Variants in PDE6G observed in about 807,000 individuals in gnomAD.
The protein encoded by PDE6G is rod cGMP 3',5'-cyclic phosphodiesterase subunit gamma.
PDE6G carries 10 observed loss-of-function variants against 10.9 expected under a neutral mutation model. The observed-to-expected ratio is 0.91, with a 90% CI of 0.56 to 1.55. The LOEUF is 1.55. Among genes scored for constraint, PDE6G ranks in the 40% most tolerant of loss-of-function variants. The pLI, the probability that PDE6G is intolerant of heterozygous loss-of-function variation, is 0.00. For missense variants in PDE6G, 102 were observed against 110.1 expected, an observed-to-expected ratio of 0.93 and a Z score of 0.33; for synonymous variants, 41 against 42.8, an observed-to-expected ratio of 0.96 and a Z score of 0.16.
rs1183393636 is a variant in PDE6G at position 81,650,691 on chromosome 17, A to G, written c.*383T>C. The G allele has an allele frequency of 2.2e-6, 1 of 458,160 alleles. No individual in the cohort carries two copies. The highest frequency in any genetic ancestry group is 4.4e-6 in the Non-Finnish European group (1 of 229,404). 28.4% of individuals were successfully genotyped at this position (458,160 alleles called of 1,614,324 possible). On this transcript the variant is annotated 3_prime_UTR_variant, in exon 4 of 4. Coordinates refer to ENST00000331056, the MANE Select transcript of PDE6G (RefSeq NM_002602.4). ...GGACAGGGGGCTGGGGTGCAGAAGC[A>G]CTCTGGGGAGACCTGCCCTAGCTTT... is the stretch of plus-strand genomic sequence containing the variant.
At position 81,651,197 on chromosome 17, in the gene PDE6G, G is replaced by A; in HGVS notation, c.188-47C>T. ...GATCAGAGAGGATCCCACGGCCTAGGGACCCCCCCATCCCCTGTGGCCCTG... is the reference window on the plus strand; with the variant it reads ...GATCAGAGAGGATCCCACGGCCTAGAGACCCCCCCATCCCCTGTGGCCCTG... On this transcript the variant is annotated intron_variant, in intron 3 of 3. Coordinates refer to ENST00000331056, the MANE Select transcript of PDE6G (RefSeq NM_002602.4). This position sits in a 1 kb window ranked among gnomAD's most constrained non-coding sequence, Gnocchi z 4.8. 7.1e-6 allele frequency: 10 copies of A among 1,402,024 alleles called. No individual in the cohort carries two copies. Among genetic ancestry groups the A allele is most frequent in the South Asian group, 1.2e-5 (1 of 86,530 alleles). The allele number at this position is 1,402,024 out of a possible 1,614,324, so 86.8% of individuals were successfully genotyped here.
chr17:81,650,950 A>G lies in PDE6G; in HGVS notation c.*124T>C. On this transcript the variant is annotated 3_prime_UTR_variant, in exon 4 of 4. Transcript: ENST00000331056. ...TATGTAGGGGGAGACCTGAGGTTGCAGTCCCATCCTGGTGTCCAGGTGCCA... is the reference window on the plus strand; with the variant it reads ...TATGTAGGGGGAGACCTGAGGTTGCGGTCCCATCCTGGTGTCCAGGTGCCA... 1 of 752,712 alleles carries G rather than the reference A, an allele frequency of 1.3e-6. No individual in the cohort carries two copies. The highest frequency in any genetic ancestry group is 2.4e-6 in the Non-Finnish European group (1 of 413,316). 46.6% of individuals were successfully genotyped at this position (752,712 alleles called of 1,614,324 possible).
Position 81,653,117 on chromosome 17 carries a change from C to T in PDE6G, c.146+43G>A, listed in dbSNP as rs374908637. 27 of 1,611,042 alleles carry T rather than the reference C, an allele frequency of 1.7e-5. No individual in the cohort carries two copies. In the Middle Eastern group the frequency reaches 4.9e-4, roughly 29 times the overall value. ...TCCCCTTCCTGTGCAGCCTCAGGACCGCCTCCTCCCTTTCAGAGGCCCCAT... is the reference window on the plus strand; with the variant it reads ...TCCCCTTCCTGTGCAGCCTCAGGACTGCCTCCTCCCTTTCAGAGGCCCCAT... On this transcript the variant is annotated intron_variant, in intron 2 of 3. Coordinates refer to ENST00000331056, the MANE Select transcript of PDE6G (RefSeq NM_002602.4). This position sits in a 1 kb window ranked among gnomAD's most constrained non-coding sequence, Gnocchi z 5.2.
At position 81,653,325 on chromosome 17, in the gene PDE6G, C is replaced by T. The variant is rs1351088576; in HGVS notation, c.-20G>A. On this transcript the variant is annotated 5_prime_UTR_variant, in exon 2 of 4. In the 5' UTR this introduces an upstream ATG that the reference lacks. Coordinates refer to ENST00000331056, the MANE Select transcript of PDE6G (RefSeq NM_002602.4). The surrounding 1 kb of genome is among the most constrained non-coding windows in gnomAD (Gnocchi z 5.2). ...GTTCATGGTGAGGCTGACGGAGACACCGCGGCAACCTTGGCTCCTGGACTC... is the reference window on the plus strand; with the variant it reads ...GTTCATGGTGAGGCTGACGGAGACATCGCGGCAACCTTGGCTCCTGGACTC... 1 of 1,610,456 alleles carries T rather than the reference C, an allele frequency of 6.2e-7. No homozygotes were observed. The highest frequency in any genetic ancestry group is 8.5e-7 in the Non-Finnish European group (1 of 1,179,908).
rs761541840 is a variant in PDE6G at position 81,653,141 on chromosome 17, AT to A, written c.146+18del. On this transcript the variant is annotated intron_variant, in intron 2 of 3. Coordinates refer to ENST00000331056, the MANE Select transcript of PDE6G (RefSeq NM_002602.4). The surrounding 1 kb of genome is among the most constrained non-coding windows in gnomAD (Gnocchi z 5.2). Reference sequence around the variant, plus strand: ...CCGCCTCCTCCCTTTCAGAGGCCCCATCCCCCAGCTCTGCTTACCCTTGAAC... The same window carrying A: ...CCGCCTCCTCCCTTTCAGAGGCCCCACCCCCAGCTCTGCTTACCCTTGAAC... The A allele has an allele frequency of 2.5e-6, 4 of 1,598,936 alleles. No homozygotes were observed. Among genetic ancestry groups the A allele is most frequent in the Non-Finnish European group, 2.6e-6 (3 of 1,172,066 alleles).
chr17:81,652,490 A>G (rs1168379557), intron 2 of PDE6G, among the ~76,000 whole-genome samples: 9 of 151,194 alleles, frequency 6.0e-5, no homozygotes, highest in Non-Finnish European at 1.0e-4. Flanking sequence ...TCTTAGCCAG[A>G]ATGGTCTCGA....
chr17:81,654,504 G>A (rs755981315), intron 1 of PDE6G, among the ~76,000 whole-genome samples: 6 of 146,122 alleles, frequency 4.1e-5, no homozygotes, highest in East Asian at 2.1e-4. Context: ...CTCAGCCTCC[G>A]GAGTAGCTCA....
chr17:81,657,821 C>A (rs1226613139), upstream of PDE6G, among the ~76,000 whole-genome samples: 1 of 151,876 alleles, frequency 6.6e-6, no homozygotes, highest in African/African-American at 2.4e-5. Context: ...GCGGAGCTTG[C>A]AGTGAGCCGA....
At chr17:81,657,754 A>G (rs973796065), upstream of PDE6G, among the ~76,000 whole-genome samples, 2 of 151,774 alleles carry the variant, frequency 1.3e-5, no homozygotes, top group African/African-American at 4.8e-5. Context: ...GGTGGCATGT[A>G]CCTGTAATCC....
intron 1 of PDE6G, among the ~76,000 whole-genome samples, chr17:81,656,078 C>T (rs903089219): frequency 1.3e-5 from 2 of 152,026 alleles, no homozygotes; most frequent in Non-Finnish European, 2.9e-5. Flanking sequence ...AGGCCCCGTC[C>T]AGCTGCTTCT....
At chr17:81,656,343 G>A (rs1478928290) in intron 1 of PDE6G, 150 bp downstream of exon 1, 3 of 636,232 alleles carry the variant, frequency 4.7e-6, no homozygotes, top group African/African-American at 3.6e-5. Flanking sequence ...TGAATAACAG[G>A]GTGGCGGGTA....
At position 81,653,479 on chromosome 17, in the gene PDE6G, C is replaced by T. The variant is rs1193779762; in HGVS notation, c.-59-115G>A. ...CAGCCCCGCCAGCTCCAGCGTCATC[C>T]AGACAGCAGCCCCTGCAATCCGCCC... On this transcript the variant is annotated intron_variant, in intron 1 of 3. Transcript: ENST00000331056. This position sits in a 1 kb window ranked among gnomAD's most constrained non-coding sequence, Gnocchi z 5.2. 4 of 689,528 alleles carry T rather than the reference C, an allele frequency of 5.8e-6. No homozygotes were observed. Among genetic ancestry groups the T allele is most frequent in the Non-Finnish European group, 9.7e-6 (4 of 410,468 alleles). 42.7% of individuals were successfully genotyped at this position (689,528 alleles called of 1,614,324 possible).
At chr17:81,661,801 A>G (rs2036514255) in intron 1 of PDE6G, among the ~76,000 whole-genome samples, 1 of 145,140 alleles carries the variant, frequency 6.9e-6, no homozygotes. Flanking sequence ...CAGAGGTTGC[A>G]GTGAGCCCGA....
chr17:81,660,758 C>G (rs1435880339), upstream of PDE6G, among the ~76,000 whole-genome samples: 2 of 152,208 alleles, frequency 1.3e-5, no homozygotes, highest in East Asian at 3.8e-4. Flanking sequence ...TCCCACAGTG[C>G]TAGGATTACA....
In PDE6G at chr17:81,651,967, A is replaced by C. The variant is rs1568185334; in HGVS notation, c.147-282T>G. 6.6e-6 allele frequency among the ~76,000 whole-genome samples: 1 copy of C among 152,142 alleles called. No homozygotes were observed. The highest frequency in any genetic ancestry group is 1.5e-5 in the Non-Finnish European group (1 of 67,990). ...GGGCAGGTGCGTGCCCTGGGGGAGT[A>C]CGGGGGGGTGCGTGGTTGGTGCATG... On this transcript the variant is annotated intron_variant, in intron 2 of 3. Coordinates refer to ENST00000331056, the MANE Select transcript of PDE6G (RefSeq NM_002602.4). This position sits in a 1 kb window ranked among gnomAD's most constrained non-coding sequence, Gnocchi z 4.8.
At chr17:81,656,793 C>T, upstream of PDE6G, 1 of 617,864 alleles carries the variant, frequency 1.6e-6, no homozygotes, top group South Asian at 1.8e-5. Context: ...CAGATGGAAG[C>T]AACCACAGTG....
intron 1 of PDE6G, among the ~76,000 whole-genome samples, chr17:81,655,208 T>A (rs971063490): frequency 3.3e-5 from 5 of 152,162 alleles, no homozygotes; most frequent in African/African-American, 9.6e-5. Context: ...TGATGGAGAA[T>A]GACCCACAAA....
chr17:81,656,513 G>C lies in PDE6G; in HGVS notation c.-80C>G, dbSNP rs1252585543. Reference sequence around the variant, plus strand: ...CTCACCAAGTGCAGGGCGGGTCTCAGGGGGCTGTGCTGTGAGTGCTGGGCC... The same window carrying C: ...CTCACCAAGTGCAGGGCGGGTCTCACGGGGCTGTGCTGTGAGTGCTGGGCC... On this transcript the variant is annotated 5_prime_UTR_variant, in exon 1 of 4. Coordinates refer to ENST00000331056, the MANE Select transcript of PDE6G (RefSeq NM_002602.4). 1 of 763,820 alleles carries C rather than the reference G, an allele frequency of 1.3e-6. No individual in the cohort carries two copies. Among genetic ancestry groups the C allele is most frequent in the Non-Finnish European group, 2.4e-6 (1 of 417,402 alleles). 47.3% of individuals were successfully genotyped at this position (763,820 alleles called of 1,614,324 possible). A position where few individuals can be genotyped will look rare whatever the true frequency, so the allele number is the denominator to read the frequency against.
chr17:81,651,293 C>T lies in PDE6G; in HGVS notation c.188-143G>A. 1.4e-6 allele frequency: 1 copy of T among 694,090 alleles called. No homozygotes were observed. Among genetic ancestry groups the T allele is most frequent in the Non-Finnish European group, 2.6e-6 (1 of 385,226 alleles). 43.0% of individuals were successfully genotyped at this position (694,090 alleles called of 1,614,324 possible). ...GTGCGGACGCTGGAGTGGGGCCCTC[C>T]TCTGGGGACACACTGGCTGTGGGGG... On this transcript the variant is annotated intron_variant, in intron 3 of 3. Transcript: ENST00000331056. The surrounding 1 kb of genome is among the most constrained non-coding windows in gnomAD (Gnocchi z 4.8).
Sources: gnomAD v4.1 joint callset for allele counts (sites outside exome capture counted in the v4.1 genomes callset) on GRCh38, gnomAD v4.1.1 for gene constraint, Gnocchi (gnomAD v3.1) non-coding constraint, MANE v1.5 for transcripts, NCBI Gene and HGNC (gene_info 2026-07-23, HGNC 2026-07-21) for gene names.